The following TENM3 variants were observed in gnomAD, a reference collection of about 807,000 sequenced individuals.
TENM3 encodes the protein teneurin transmembrane protein 3.
A neutral mutation model predicts 255.1 loss-of-function variants in TENM3; 63 were observed. That is an observed-to-expected ratio of 0.25 (90% CI 0.20 to 0.30). TENM3 has a LOEUF of 0.30. TENM3 is among the 10% of genes least tolerant of loss of function. TENM3 has a pLI of 1.00. For missense variants in TENM3, 2,929 were observed against 3,461.1 expected, an observed-to-expected ratio of 0.85 and a Z score of 3.86; for synonymous variants, 1,306 against 1,322.3, an observed-to-expected ratio of 0.99 and a Z score of 0.27.
At chr4:182,729,707 ACTC>A (rs1392704379) in intron 14 of TENM3, among the ~76,000 whole-genome samples, 3 of 152,186 alleles carry the variant, frequency 2.0e-5, no homozygotes, top group East Asian at 3.9e-4. Flanking sequence ...TTACACCAGA[ACTC>A]CTGGGTCTGC....
the TENM3 span, among the ~76,000 whole-genome samples, chr4:182,035,913 A>G: frequency 6.6e-6 from 1 of 152,076 alleles, no homozygotes; most frequent in East Asian, 1.9e-4. Context: ...TACACCACCA[A>G]GTCAATGGCT....
At chr4:181,494,849 T>A in the TENM3 span, among the ~76,000 whole-genome samples, 3 of 152,098 alleles carry the variant, frequency 2.0e-5, no homozygotes, top group Non-Finnish European at 4.4e-5. Flanking sequence ...CATTAATAGG[T>A]CCCCTTCATC....
chr4:182,608,641 G>A (rs1484977411), intron 4 of TENM3, among the ~76,000 whole-genome samples: 1 of 152,106 alleles, frequency 6.6e-6, no homozygotes, highest in Non-Finnish European at 1.5e-5. Flanking sequence ...CAGGGTCCGC[G>A]GCGGCGGGGA....
intron 6 of TENM3, among the ~76,000 whole-genome samples, chr4:182,658,174 G>A (rs1049916198): frequency 1.3e-5 from 2 of 152,148 alleles, no homozygotes; most frequent in Non-Finnish European, 2.9e-5. Context: ...TATCATGTTT[G>A]AGTTTTTGGA....
the TENM3 span, among the ~76,000 whole-genome samples, chr4:181,518,582 C>T: frequency 6.6e-6 from 1 of 152,142 alleles, no homozygotes; most frequent in Non-Finnish European, 1.5e-5. Flanking sequence ...CACGTGCCAC[C>T]ATGCCCGGAT....
At chr4:181,906,693 T>G in the TENM3 span, among the ~76,000 whole-genome samples, 1 of 152,064 alleles carries the variant, frequency 6.6e-6, no homozygotes, top group Admixed American at 6.6e-5. Flanking sequence ...CCAGTGGCCT[T>G]TCTTGCTTTT....
chr4:182,356,863 C>G (rs1765581914), intron 3 of TENM3, among the ~76,000 whole-genome samples: 1 of 134,736 alleles, frequency 7.4e-6, no homozygotes, highest in African/African-American at 2.8e-5. Context: ...GCTCTCCCTC[C>G]TCCCTCCCCC....
the TENM3 span, among the ~76,000 whole-genome samples, chr4:181,875,793 C>G: frequency 2.6e-5 from 4 of 152,164 alleles, no homozygotes; most frequent in Admixed American, 6.5e-5. Context: ...GTTCTCAGTT[C>G]CCCTGACAAA....
chr4:182,591,243 AAG>A (rs895958787), intron 3 of TENM3, among the ~76,000 whole-genome samples: 11 of 152,172 alleles, frequency 7.2e-5, no homozygotes, highest in African/African-American at 1.7e-4. Flanking sequence ...AATCTAAAAA[AAG>A]AGAGAGAAAG....
At chr4:182,525,501 A>G (rs1739064540) in intron 3 of TENM3, among the ~76,000 whole-genome samples, 1 of 152,210 alleles carries the variant, frequency 6.6e-6, no homozygotes, top group Non-Finnish European at 1.5e-5. Flanking sequence ...TTTCCATCAC[A>G]CTATGCTTTC....
the TENM3 span, among the ~76,000 whole-genome samples, chr4:181,984,800 G>C: frequency 4.4e-4 from 27 of 61,728 alleles, no homozygotes; most frequent in South Asian, 0.012. Flanking sequence ...GTGTGTGTGT[G>C]TGTGTGTGTG....
At chr4:181,795,014 C>T in the TENM3 span, among the ~76,000 whole-genome samples, 4 of 152,332 alleles carry the variant, frequency 2.6e-5, no homozygotes, top group East Asian at 1.9e-4. Context: ...TTAACACCTA[C>T]ACTAACAATA....
chr4:181,790,117 C>G, the TENM3 span, among the ~76,000 whole-genome samples: 1 of 152,082 alleles, frequency 6.6e-6, no homozygotes, highest in Non-Finnish European at 1.5e-5. Context: ...CACCTGAGCA[C>G]TCTGACTCTA....
chr4:182,334,058 T>A (rs1763946535), intron 2 of TENM3, among the ~76,000 whole-genome samples: 1 of 152,186 alleles, frequency 6.6e-6, no homozygotes, highest in African/African-American at 2.4e-5. Context: ...CCATTTTCAT[T>A]ATTCATAGAT....
At chr4:182,183,884 C>A (rs1026227257) in intron 1 of TENM3, among the ~76,000 whole-genome samples, 2 of 152,194 alleles carry the variant, frequency 1.3e-5, no homozygotes, top group African/African-American at 4.8e-5. Context: ...TATGAGTATT[C>A]TCAAATGTCT....
At chr4:182,477,798 T>C (rs1733821319) in intron 3 of TENM3, among the ~76,000 whole-genome samples, 1 of 152,184 alleles carries the variant, frequency 6.6e-6, no homozygotes, top group African/African-American at 2.4e-5. Context: ...TTATTTTTAA[T>C]AATCAAATAA....
At chr4:182,608,534 C>T (rs1165528357) in intron 4 of TENM3, among the ~76,000 whole-genome samples, 1 of 152,192 alleles carries the variant, frequency 6.6e-6, no homozygotes, top group Non-Finnish European at 1.5e-5. Flanking sequence ...AGCTCACGTG[C>T]GCTGGGACAG....
chr4:182,347,483 T>C (rs1328337213), intron 3 of TENM3, among the ~76,000 whole-genome samples: 2 of 152,194 alleles, frequency 1.3e-5, no homozygotes, highest in African/African-American at 2.4e-5. Context: ...GCAATTGAAA[T>C]CTTGGTAAAG....
At chr4:181,500,885 A>T in the TENM3 span, among the ~76,000 whole-genome samples, 1 of 152,132 alleles carries the variant, frequency 6.6e-6, no homozygotes, top group Non-Finnish European at 1.5e-5. Flanking sequence ...GTCATTGGGG[A>T]TAGATTTATA....
Sources: allele counts gnomAD v4.1 joint callset (sites outside exome capture counted in the v4.1 genomes callset), GRCh38; gene constraint gnomAD v4.1.1; transcripts MANE v1.5; gene names NCBI Gene and HGNC (gene_info 2026-07-23, HGNC 2026-07-21).